AGBL1: variants seen among roughly 807,000 people sequenced by gnomAD.
The protein encoded by AGBL1 is AGBL carboxypeptidase 1.
In AGBL1, 130 loss-of-function variants were observed where a neutral mutation model predicts 118.9. That is an observed-to-expected ratio of 1.09 (90% CI 0.95 to 1.26). The LOEUF is 1.26. AGBL1 is among the 50% of genes most tolerant of loss of function. AGBL1 has a pLI of 0.00. For synonymous variants in AGBL1, 555 were observed against 478.9 expected, an observed-to-expected ratio of 1.16 and a Z score of -2.08; for missense variants, 1,584 against 1,298.1, an observed-to-expected ratio of 1.22 and a Z score of -3.38.
chr15:86,299,348 A>G (rs1005863786), intron 17 of AGBL1, among the ~76,000 whole-genome samples: 3 of 152,118 alleles, frequency 2.0e-5, no homozygotes, highest in African/African-American at 7.2e-5. Context: ...GAACCTTTAC[A>G]AAAGGATCAA....
chr15:86,423,341 T>A (rs1234915341), intron 18 of AGBL1, among the ~76,000 whole-genome samples: 1 of 152,134 alleles, frequency 6.6e-6, no homozygotes, highest in African/African-American at 2.4e-5. Flanking sequence ...ATTATCTCAG[T>A]AGATGCAGAA....
At chr15:86,216,229 C>CATTT (rs56843379) in intron 5 of AGBL1, among the ~76,000 whole-genome samples, 36,040 of 150,584 alleles carry the variant, frequency 0.24, 4,589 homozygotes, top group Non-Finnish European at 0.28. Context: ...AACTACATGC[C>CATTT]ATTTATTTAT....
At chr15:86,916,562 G>A (rs183545019), downstream of AGBL1, among the ~76,000 whole-genome samples, 6 of 152,274 alleles carry the variant, frequency 3.9e-5, no homozygotes, top group South Asian at 4.2e-4. Flanking sequence ...AAGTGATTCC[G>A]TAGCATATGG....
Position 86,256,944 on chromosome 15 carries a change from T to A in AGBL1, c.827T>A (p.Val276Asp). Residue 276 changes from valine to aspartate, a missense_variant, in exon 8 of 23, where the codon GTC becomes GAC. Physicochemically the swap from Val to Asp is radical, Grantham distance 152. Transcript: ENST00000614907. ...TACCCTACGAGTCCACTTCCCTTGG[T>A]CACAGCCAGCAGTGCCTATGCCTTC... ...QCYPTSPLPL[V>D]TASSAYAFPV... 6.8e-6 allele frequency: 11 copies of A among 1,613,974 alleles called. No individual in the cohort carries two copies. Among genetic ancestry groups the A allele is most frequent in the Non-Finnish European group, 9.3e-6 (11 of 1,179,878 alleles).
At chr15:86,771,877 G>T (rs981820784) in intron 22 of AGBL1, among the ~76,000 whole-genome samples, 2 of 152,030 alleles carry the variant, frequency 1.3e-5, no homozygotes, top group Non-Finnish European at 2.9e-5. Flanking sequence ...GCTGGATGGG[G>T]AAGTTGCCAG....
intron 22 of AGBL1, among the ~76,000 whole-genome samples, chr15:86,728,666 A>G (rs2086854741): frequency 6.6e-6 from 1 of 152,238 alleles, no homozygotes; most frequent in Non-Finnish European, 1.5e-5. Flanking sequence ...TACTACATTA[A>G]GACATTATTT....
chr15:86,780,742 C>T (rs942464336), intron 22 of AGBL1, among the ~76,000 whole-genome samples: 9 of 150,722 alleles, frequency 6.0e-5, no homozygotes, highest in South Asian at 2.1e-4. Flanking sequence ...TGGCTCACTG[C>T]GACTTCCACC....
intron 17 of AGBL1, among the ~76,000 whole-genome samples, chr15:86,300,397 A>T (rs912892590): frequency 7.2e-5 from 11 of 152,146 alleles, no homozygotes; most frequent in Non-Finnish European, 8.8e-5. Flanking sequence ...CCCTATAACA[A>T]CATTGTCTTG....
intron 6 of AGBL1, among the ~76,000 whole-genome samples, chr15:86,226,317 A>G (rs2078362134): frequency 1.3e-5 from 2 of 152,128 alleles, no homozygotes; most frequent in Non-Finnish European, 2.9e-5. Flanking sequence ...GTTGAATTGC[A>G]GGAGGAAAAG....
chr15:86,719,559 C>G (rs958151414), intron 22 of AGBL1, among the ~76,000 whole-genome samples: 2 of 152,096 alleles, frequency 1.3e-5, no homozygotes, highest in African/African-American at 4.8e-5. Flanking sequence ...TGAAGCTTTT[C>G]TCTCAGATCA....
At chr15:86,113,252 CT>C (rs1221822644) in intron 1 of AGBL1, among the ~76,000 whole-genome samples, 9 of 51,282 alleles carry the variant, frequency 1.8e-4, no homozygotes, top group East Asian at 1.1e-3. Flanking sequence ...CTTTTCTTTT[CT>C]TTTCTTTCTT....
At position 86,342,525 on chromosome 15, in the gene AGBL1, A is replaced by G. The variant is rs138032265; in HGVS notation, c.2374+47117A>G. ...TTATTCACCCATTCATCCATCCAACAAACTCTCATGTGGATGCCTGCTGTT... is the reference window on the plus strand; with the variant it reads ...TTATTCACCCATTCATCCATCCAACGAACTCTCATGTGGATGCCTGCTGTT... On this transcript the variant is annotated intron_variant, in intron 17 of 22. Coordinates refer to ENST00000614907, the MANE Select transcript of AGBL1 (RefSeq NM_001386094.1). Among the ~76,000 whole-genome samples the G allele has an allele frequency of 3.1e-3, 470 of 152,306 alleles. 2 individuals carry two copies. Among genetic ancestry groups the G allele is most frequent in the African/African-American group, 0.011 (448 of 41,578 alleles).
At chr15:86,652,915 T>G (rs2085399104) in intron 21 of AGBL1, among the ~76,000 whole-genome samples, 1 of 152,134 alleles carries the variant, frequency 6.6e-6, no homozygotes, top group African/African-American at 2.4e-5. Context: ...GGGCATCAAA[T>G]GAGGAGAAGT....
chr15:86,506,166 C>T (rs2082973935), intron 18 of AGBL1, among the ~76,000 whole-genome samples: 1 of 152,046 alleles, frequency 6.6e-6, no homozygotes, highest in Admixed American at 6.6e-5. Context: ...TTAATCTTCA[C>T]TTCCTGCTTG....
chr15:86,604,632 A>G (rs2084545444), intron 21 of AGBL1, among the ~76,000 whole-genome samples: 1 of 152,170 alleles, frequency 6.6e-6, no homozygotes, highest in Admixed American at 6.5e-5. Context: ...TTGGGTTGAC[A>G]TATACCAACC....
At chr15:86,611,112 C>A (rs116503215) in intron 21 of AGBL1, among the ~76,000 whole-genome samples, 1 of 152,116 alleles carries the variant, frequency 6.6e-6, no homozygotes, top group South Asian at 2.1e-4. Context: ...CTTGTATCTG[C>A]TCTTGGTAGC....
chr15:86,338,604 G>C (rs932111458), intron 17 of AGBL1, among the ~76,000 whole-genome samples: 7 of 152,268 alleles, frequency 4.6e-5, no homozygotes, highest in African/African-American at 1.7e-4. Context: ...CAAAGGTAGG[G>C]GGGTGGCTGT....
chr15:86,848,476 G>T (rs1356399956), intron 22 of AGBL1, among the ~76,000 whole-genome samples: 1 of 152,126 alleles, frequency 6.6e-6, no homozygotes, highest in East Asian at 1.9e-4. Flanking sequence ...GCTCATTTCT[G>T]TTATATGGTA....
chr15:86,967,272 A>T (rs768398029), intron 23 of AGBL1, among the ~76,000 whole-genome samples: 4 of 152,076 alleles, frequency 2.6e-5, no homozygotes, highest in Non-Finnish European at 4.4e-5. Flanking sequence ...CCCATTCTGT[A>T]GGTTGCCTGT....
Sources: gnomAD v4.1 joint callset for allele counts (sites outside exome capture counted in the v4.1 genomes callset) on GRCh38, gnomAD v4.1.1 for gene constraint, MANE v1.5 for transcripts, NCBI Gene and HGNC (gene_info 2026-07-23, HGNC 2026-07-21) for gene names.